The following SLC27A3 variants were observed in gnomAD, a reference collection of about 807,000 sequenced individuals.
The protein encoded by SLC27A3 is long-chain fatty acid transport protein 3.
Under a neutral mutation model 60.1 loss-of-function variants are expected in SLC27A3, and 60 were observed. The ratio of observed to expected loss-of-function variants is 1.00; its 90% CI spans 0.81 to 1.24. The LOEUF (loss-of-function observed/expected upper bound fraction) is 1.24. Among genes scored for constraint, SLC27A3 ranks in the 50% most tolerant of loss-of-function variants. The pLI is 0.00. For missense variants in SLC27A3, 1,079 were observed against 929.9 expected, an observed-to-expected ratio of 1.16 and a Z score of -2.09; for synonymous variants, 455 against 409.0, an observed-to-expected ratio of 1.11 and a Z score of -1.36.
At chr1:153,778,070 G>A in intron 4 of SLC27A3, 91 bp from the exon 5 acceptor site, 8 of 1,508,834 alleles carry the variant, frequency 5.3e-6, no homozygotes, top group Admixed American at 1.9e-5. Context: ...GTCACAGTAG[G>A]AGGGGGTTCT....
chr1:153,777,773 T>C lies in SLC27A3; in HGVS notation c.1049T>C (p.Val350Ala). The C allele has an allele frequency of 6.2e-7, 1 of 1,614,208 alleles. No homozygotes were observed. ...CCACTTCTGGCAGGGGCCACAGTGGTGCTGAAATCCAAGTTCTCGGCTGGT... is the reference window on the plus strand; with the variant it reads ...CCACTTCTGGCAGGGGCCACAGTGGCGCTGAAATCCAAGTTCTCGGCTGGT... ...VGCMGIGATV[V>A]LKSKFSAGQF... Residue 350 changes from valine to alanine, a missense_variant, in exon 4 of 10, where the codon GTG becomes GCG. Coordinates refer to ENST00000624995, the MANE Select transcript of SLC27A3 (RefSeq NM_024330.4).
In SLC27A3 at chr1:153,775,504, G is replaced by A; in HGVS notation, c.7G>A (p.Ala3Thr). MA[A>T]LLLLPLLLLL... Reference sequence around the variant, plus strand: ...GATAGAGGAAGCGGGCTCCATGGCTGCCCTCCTGCTGCTGCCCCTGCTGCT... The same window carrying A: ...GATAGAGGAAGCGGGCTCCATGGCTACCCTCCTGCTGCTGCCCCTGCTGCT... The change falls in exon 1 of 10, where the codon GCC (alanine) becomes ACC (threonine). Residue 3 changes from alanine (A) to threonine (T), a missense_variant. Ala to Thr is a moderately conservative substitution (Grantham distance 58). Coordinates refer to ENST00000624995, the MANE Select transcript of SLC27A3 (RefSeq NM_024330.4). The A allele has an allele frequency of 6.2e-7, 1 of 1,613,216 alleles. No homozygotes were observed. The highest frequency in any genetic ancestry group is 8.5e-7 in the Non-Finnish European group (1 of 1,180,010).
rs377177127 is a variant in SLC27A3 at position 153,779,857 on chromosome 1, A to G, written c.1907A>G (p.Gln636Arg). 25 of 1,613,842 alleles carry G rather than the reference A, an allele frequency of 1.5e-5. No individual in the cohort carries two copies. The highest frequency in any genetic ancestry group is 1.9e-5 in the Non-Finnish European group (23 of 1,179,966). Residue 636 changes from glutamine to arginine, a missense_variant, in exon 10 of 10, where the codon CAG becomes CGG. Coordinates refer to ENST00000624995, the MANE Select transcript of SLC27A3 (RefSeq NM_024330.4). ...ESLATTETFK[Q>R]QKVRMANEGF... ...TTGGCCACCACAGAGACCTTCAAAC[A>G]GCAGAAAGTTCGGATGGCAAATGAG... is the stretch of plus-strand genomic sequence containing the variant.
Position 153,779,821 on chromosome 1 carries a change from C to T in SLC27A3, c.1876-5C>T. 6.2e-7 allele frequency: 1 copy of T among 1,613,226 alleles called. No individual in the cohort carries two copies. The highest frequency in any genetic ancestry group is 2.2e-5 in the East Asian group (1 of 44,862). ...CCTCCAAATCCCTGACCCTCCTGTC[C>T]CCAGGAGTCTTTGGCCACCACAGAG... On this transcript the variant is annotated splice_region_variant and splice_polypyrimidine_tract_variant and intron_variant, in intron 9 of 9. Transcript: ENST00000624995.
chr1:153,778,622 G>T, intron 6 of SLC27A3, 65 bp from the exon 7 acceptor site: 1 of 1,608,918 alleles, frequency 6.2e-7, no homozygotes, highest in East Asian at 2.2e-5. Flanking sequence ...TTGGAGACTG[G>T]GGTGGATGGG....
chr1:153,777,731 C>CCCT, intron 3 of SLC27A3, 30 bp from the exon 4 acceptor site: 1 of 1,611,932 alleles, frequency 6.2e-7, no homozygotes, highest in Non-Finnish European at 8.5e-7. Flanking sequence ...AATCTTACCT[C>CCCT]CCTTCTTCCC....
At chr1:153,779,774 C>T in intron 9 of SLC27A3, 52 bp from the exon 10 acceptor site, 2 of 1,561,438 alleles carry the variant, frequency 1.3e-6, no homozygotes, top group Non-Finnish European at 1.8e-6. Flanking sequence ...CTCCCCTGAA[C>T]CACGTGGGCA....
chr1:153,778,253 C>T lies in SLC27A3; in HGVS notation c.1254C>T (p.Pro418=). 1 of 1,614,094 alleles carries T rather than the reference C, an allele frequency of 6.2e-7. No individual in the cohort carries two copies. The highest frequency in any genetic ancestry group is 1.6e-4 in the Middle Eastern group (1 of 6,062). The change falls in exon 5 of 10, where the codon CCC becomes CCT. Residue 418 remains proline (P), a synonymous_variant. Transcript: ENST00000624995. ...TWERFVRRFG[P]LQVLETYGLT... Reference sequence around the variant, plus strand: ...AGCGTTTTGTGCGGCGCTTCGGGCCCCTGCAGGTGCTGGAGACATATGGAC... The same window carrying T: ...AGCGTTTTGTGCGGCGCTTCGGGCCTCTGCAGGTGCTGGAGACATATGGAC...
Position 153,775,871 on chromosome 1 carries a change from G to A in SLC27A3, c.374G>A (p.Gly125Glu). Residue 125 changes from glycine to glutamate, a missense_variant, in exon 1 of 10, where the codon GGG (glycine) becomes GAG (glutamate). Physicochemically the swap from Gly to Glu is moderately conservative, Grantham distance 98 (BLOSUM62 -2). Coordinates refer to ENST00000624995, the MANE Select transcript of SLC27A3 (RefSeq NM_024330.4). ...CCCGACGGCGGCGACAGCGGCGAGG[G>A]GAGCGCTGGAGAAGGCGAGCGGGCA... Reference protein sequence around the residue: ...WGPDGGDSGEGSAGEGERAAP... With the variant: ...WGPDGGDSGEESAGEGERAAP... 1 of 1,491,478 alleles carries A rather than the reference G, an allele frequency of 6.7e-7. No homozygotes were observed. The highest frequency in any genetic ancestry group is 8.9e-7 in the Non-Finnish European group (1 of 1,126,624). The allele number at this position is 1,491,478 out of a possible 1,614,324, so 92.4% of individuals were successfully genotyped here. A position where few individuals can be genotyped will look rare whatever the true frequency, so the allele number is the denominator to read the frequency against.
rs1255894882 is a variant in SLC27A3, at chr1:153,779,093, C to T, written c.1647-21C>T. 1.9e-6 allele frequency: 3 copies of T among 1,613,244 alleles called. No individual in the cohort carries two copies. In the African/African-American group the frequency reaches 4.0e-5, roughly 22 times the overall value. On this transcript the variant is annotated intron_variant, in intron 7 of 9. Transcript: ENST00000624995. ...GGCCCTGACCCCTGACTCCCAGTTT[C>T]AGATCTCTGCTCTCTGACAGGTGGA...
chr1:153,775,570 C>T lies in SLC27A3; in HGVS notation c.73C>T (p.Gln25Ter). The T allele has an allele frequency of 6.2e-7, 1 of 1,610,140 alleles. No homozygotes were observed. The highest frequency in any genetic ancestry group is 8.5e-7 in the Non-Finnish European group (1 of 1,179,520). The part of the protein sequence containing the change: ...LLLLKLHLWP[Q>*]LRWLPADLAF... Reference sequence around the variant, plus strand: ...GCTGCTGAAGCTACACCTCTGGCCGCAGTTGCGCTGGCTTCCGGCGGACTT... The same window carrying T: ...GCTGCTGAAGCTACACCTCTGGCCGTAGTTGCGCTGGCTTCCGGCGGACTT... The change falls in exon 1 of 10, where the codon CAG becomes TAG. Residue 25 changes from glutamine (Q) to a stop codon, truncating the protein, a stop_gained. Coordinates refer to ENST00000624995, the MANE Select transcript of SLC27A3 (RefSeq NM_024330.4). LOFTEE classifies it high-confidence loss of function.
chr1:153,775,732 G>A lies in SLC27A3; in HGVS notation c.235G>A (p.Ala79Thr), dbSNP rs199648278. The A allele has an allele frequency of 1.8e-5, 27 of 1,518,686 alleles. No homozygotes were observed. The Admixed American group carries it at 4.2e-4, about 24-fold the overall frequency. 94.1% of individuals were successfully genotyped at this position (1,518,686 alleles called of 1,614,324 possible). A position where few individuals can be genotyped will look rare whatever the true frequency, so the allele number is the denominator to read the frequency against. ...CCTCGCGGAACTGGCCCAGCAGCGC[G>A]CCGCGCACACCTTTCTCATTCACGG... ...WRLAELAQQR[A>T]AHTFLIHGSR... is the part of the protein sequence containing the mutation. Residue 79 changes from alanine (A) to threonine (T), a missense_variant, in exon 1 of 10, where the codon GCC (alanine) becomes ACC (threonine). Ala to Thr is a moderately conservative substitution (Grantham distance 58). Coordinates refer to ENST00000624995, the MANE Select transcript of SLC27A3 (RefSeq NM_024330.4).
In SLC27A3 at chr1:153,778,463, C is replaced by T. The variant is rs1183626517; in HGVS notation, c.1357C>T (p.His453Tyr). 2 of 1,614,022 alleles carry T rather than the reference C, an allele frequency of 1.2e-6. No individual in the cohort carries two copies. The highest frequency in any genetic ancestry group is 2.2e-5 in the South Asian group (2 of 91,086). Residue 453 changes from histidine (H) to tyrosine (Y), a missense_variant and splice_region_variant, in exon 6 of 10, where the codon CAT becomes TAT. His to Tyr is a moderately conservative substitution (Grantham distance 83, BLOSUM62 2). Transcript: ENST00000624995. ...AGTACCCAGGTCTCCCTTTCCCCAGCATATCTTCCCCTTCTCCTTGATTCG... is the reference window on the plus strand; with the variant it reads ...AGTACCCAGGTCTCCCTTTCCCCAGTATATCTTCCCCTTCTCCTTGATTCG... Reference protein sequence around the residue: ...AVGRASWLYKHIFPFSLIRYD... With the variant: ...AVGRASWLYKYIFPFSLIRYD...
intron 9 of SLC27A3, 140 bp from the exon 10 acceptor site, chr1:153,779,686 C>A: frequency 2.1e-6 from 2 of 935,162 alleles, no homozygotes; most frequent in Non-Finnish European, 3.2e-6. Flanking sequence ...GCTCTTTCTC[C>A]TCCCTGTCAC....
Position 153,776,682 on chromosome 1 carries a change from A to T in SLC27A3, c.832A>T (p.Ser278Cys). The change falls in exon 2 of 10, where the codon AGC (serine) becomes TGC (cysteine). Residue 278 changes from serine (S) to cysteine (C), a missense_variant. Ser to Cys is a moderately radical substitution (Grantham distance 112). Coordinates refer to ENST00000624995, the MANE Select transcript of SLC27A3 (RefSeq NM_024330.4). Reference sequence around the variant, plus strand: ...GCCAGGATACCTCTCTTCCCCCCAGAGCATAACAGACACGTGCCTGTACAT... The same window carrying T: ...GCCAGGATACCTCTCTTCCCCCCAGTGCATAACAGACACGTGCCTGTACAT... ...PVPGYLSSPQ[S>C]ITDTCLYIFT... The T allele has an allele frequency of 1.2e-6, 2 of 1,614,062 alleles. No individual in the cohort carries two copies. Among genetic ancestry groups the T allele is most frequent in the Non-Finnish European group, 1.7e-6 (2 of 1,179,988 alleles).
intron 3 of SLC27A3, 195 bp downstream of exon 3, chr1:153,777,415 A>G (rs981366631): frequency 4.1e-5 from 28 of 688,102 alleles, no homozygotes; most frequent in Non-Finnish European, 6.3e-5. Context: ...GGGGCCATAC[A>G]GCCACATAAC....
In SLC27A3 at chr1:153,775,655, C is replaced by T; in HGVS notation, c.158C>T (p.Ala53Val). The change falls in exon 1 of 10, where the codon GCG becomes GTG. Residue 53 changes from alanine (A) to valine (V), a missense_variant. Coordinates refer to ENST00000624995, the MANE Select transcript of SLC27A3 (RefSeq NM_024330.4). ...GCTCTTCGAGCTCGCGCCCTGGCCG[C>T]GGCTGCCGCCGACCCGGAAGGTCCC... Reference protein sequence around the residue: ...KRALRARALAAAAADPEGPEG... With the variant: ...KRALRARALAVAAADPEGPEG... 1 of 1,528,656 alleles carries T rather than the reference C, an allele frequency of 6.5e-7. No homozygotes were observed. The highest frequency in any genetic ancestry group is 8.8e-7 in the Non-Finnish European group (1 of 1,138,878). The allele number at this position is 1,528,656 out of a possible 1,614,324, so 94.7% of individuals were successfully genotyped here. A position where few individuals can be genotyped will look rare whatever the true frequency, so the allele number is the denominator to read the frequency against.
rs1558018247 is a variant in SLC27A3, at chr1:153,775,895, C to A, written c.398C>A (p.Ala133Glu). 1 of 1,478,874 alleles carries A rather than the reference C, an allele frequency of 6.8e-7. No homozygotes were observed. Among genetic ancestry groups the A allele is most frequent in the Non-Finnish European group, 8.9e-7 (1 of 1,121,144 alleles). The allele number at this position is 1,478,874 out of a possible 1,614,324, so 91.6% of individuals were successfully genotyped here. The change falls in exon 1 of 10, where the codon GCA (alanine) becomes GAA (glutamate). Residue 133 changes from alanine (A) to glutamate (E), a missense_variant. Coordinates refer to ENST00000624995, the MANE Select transcript of SLC27A3 (RefSeq NM_024330.4). ...GEGSAGEGER[A>E]APGAGDAAAG... is the part of the protein sequence containing the mutation. The stretch of plus-strand genomic sequence containing the variant: ...GGGAGCGCTGGAGAAGGCGAGCGGG[C>A]AGCGCCGGGAGCCGGAGATGCAGCG...
intron 5 of SLC27A3, 49 bp from the exon 6 acceptor site, chr1:153,778,414 G>A (rs1468303135): frequency 6.2e-7 from 1 of 1,612,902 alleles, no homozygotes; most frequent in Non-Finnish European, 8.5e-7. Flanking sequence ...GCAGGAGAGG[G>A]GGCTCATGTG....
Sources: gnomAD v4.1 joint callset for allele counts on GRCh38, gnomAD v4.1.1 for gene constraint, MANE v1.5 for transcripts, NCBI Gene and HGNC (gene_info 2026-07-23, HGNC 2026-07-21) for gene names.